The following CRIPT variants were observed in gnomAD, a reference collection of about 807,000 sequenced individuals.
CRIPT encodes cysteine-rich PDZ-binding protein.
In CRIPT, 20 loss-of-function variants were observed where a neutral mutation model predicts 16.6. The ratio of observed to expected loss-of-function variants is 1.20; its 90% confidence interval spans 0.85 to 1.75. The LOEUF is 1.75. CRIPT is among the 40% of genes most tolerant of loss of function. CRIPT has a pLI of 0.00. For missense variants in CRIPT, 133 were observed against 115.3 expected (o/e 1.15, Z -0.70); for synonymous variants, 42 against 37.0 (o/e 1.14, Z -0.49).
chr2:46,622,193 C>T (rs1026173195), intron 3 of CRIPT, among the ~76,000 whole-genome samples: 9 of 151,488 alleles, frequency 5.9e-5, no homozygotes, highest in Non-Finnish European at 1.0e-4. Flanking sequence ...CATGGTGAAA[C>T]CCTGTCTCTA....
intron 3 of CRIPT, among the ~76,000 whole-genome samples, chr2:46,621,082 A>G (rs905918463): frequency 1.3e-5 from 2 of 152,224 alleles, no homozygotes; most frequent in African/African-American, 4.8e-5. Context: ...AACTGTAATA[A>G]CTATTGAACT....
chr2:46,627,518 A>C lies in CRIPT; in HGVS notation c.*3291A>C, dbSNP rs150273549. Among the ~76,000 whole-genome samples the C allele has an allele frequency of 5.0e-3, 756 of 151,218 alleles. 3 individuals carry two copies. The highest frequency in any genetic ancestry group is 7.3e-3 in the Admixed American group (111 of 15,164). ...GAGTACAGTGGTACAATCTTGGCTC[A>C]CCACAACCTCCACCTCCCAGGCTCA... On this transcript the variant is annotated 3_prime_UTR_variant, in exon 5 of 5. Transcript: ENST00000238892.
intron 3 of CRIPT, among the ~76,000 whole-genome samples, chr2:46,622,616 C>G (rs1374194877): frequency 6.6e-6 from 1 of 151,842 alleles, no homozygotes; most frequent in Non-Finnish European, 1.5e-5. Flanking sequence ...GAGTTCGAGA[C>G]CAGCCTGACC....
chr2:46,621,086 T>C (rs1002044007), intron 3 of CRIPT, among the ~76,000 whole-genome samples: 2 of 152,240 alleles, frequency 1.3e-5, no homozygotes, highest in Non-Finnish European at 2.9e-5. Flanking sequence ...GTAATAACTA[T>C]TGAACTATCT....
intron 3 of CRIPT, among the ~76,000 whole-genome samples, chr2:46,620,519 C>T (rs575926826): frequency 6.6e-6 from 1 of 151,890 alleles, no homozygotes; most frequent in Admixed American, 6.6e-5. Context: ...CAGAAGTTTT[C>T]CAAAGTCTTA....
rs766689475 is a variant in CRIPT at position 46,623,876 on chromosome 2, C to A, written c.241+9C>A. On this transcript the variant is annotated intron_variant, in intron 4 of 4. Coordinates refer to ENST00000238892, the MANE Select transcript of CRIPT (RefSeq NM_014171.6). ...CTGTGCCTACAAAAAAGGTAAGTTT[C>A]TTTTAATACCGTTTTCTATTCATAA... 2 of 1,561,410 alleles carry A rather than the reference C, an allele frequency of 1.3e-6. No homozygotes were observed. The highest frequency in any genetic ancestry group is 1.8e-6 in the Non-Finnish European group (2 of 1,140,436).
chr2:46,618,893 C>A (rs1046370125), intron 2 of CRIPT, 55 bp downstream of exon 2: 27 of 1,066,952 alleles, frequency 2.5e-5, no homozygotes, highest in Admixed American at 4.2e-5. Context: ...GTGAATAATA[C>A]CTTAGTTTTT....
chr2:46,625,023 G>A lies in CRIPT; in HGVS notation c.*796G>A, dbSNP rs985014242. ...TTACCTCCTGTCTTGCCCCCTAAAAGAAATAAATAGAGCAAACATCTTGAC... is the reference window on the plus strand; with the variant it reads ...TTACCTCCTGTCTTGCCCCCTAAAAAAAATAAATAGAGCAAACATCTTGAC... On this transcript the variant is annotated 3_prime_UTR_variant, in exon 5 of 5. Coordinates refer to ENST00000238892, the MANE Select transcript of CRIPT (RefSeq NM_014171.6). 5 of 120,760 alleles carry A rather than the reference G, an allele frequency of 4.1e-5. No individual in the cohort carries two copies. The highest frequency in any genetic ancestry group is 1.7e-4 in the Admixed American group (2 of 11,876). The allele number at this position is 120,760 out of a possible 1,614,324, so 7.5% of individuals were successfully genotyped here.
At chr2:46,621,129 T>C (rs1295355409) in intron 3 of CRIPT, among the ~76,000 whole-genome samples, 1 of 152,266 alleles carries the variant, frequency 6.6e-6, no homozygotes, top group Non-Finnish European at 1.5e-5. Flanking sequence ...AGTTGTCTCA[T>C]AGTAACGAGA....
Position 46,622,098 on chromosome 2 carries a change from G to A in CRIPT, c.138-1666G>A, listed in dbSNP as rs569294657. The stretch of plus-strand genomic sequence containing the variant: ...AGATTTCCAAGGTTAGGCCGGGTGC[G>A]GTGGCTCACGCCTGTAATCCCAGCA... On this transcript the variant is annotated intron_variant, in intron 3 of 4. Transcript: ENST00000238892. 4.0e-3 allele frequency among the ~76,000 whole-genome samples: 607 copies of A among 152,190 alleles called. 4 individuals are homozygous for A. The highest frequency in any genetic ancestry group is 0.014 in the African/African-American group (573 of 41,524).
chr2:46,618,299 A>G (rs987248629), intron 1 of CRIPT, among the ~76,000 whole-genome samples: 3 of 151,806 alleles, frequency 2.0e-5, no homozygotes, highest in Non-Finnish European at 4.4e-5. Flanking sequence ...GCCAGGAAAA[A>G]AAAATGAATA....
rs201316537 is a variant in CRIPT at position 46,625,067 on chromosome 2, G to GTTTTTTTTTT, written c.*843_*844insTTTTTTTTTT. On this transcript the variant is annotated 3_prime_UTR_variant, in exon 5 of 5. Transcript: ENST00000238892. Reference sequence around the variant, plus strand: ...TCTTGACTCTCCCTTTTTAAAATTTGTTTGTTTTTTTTTTTTTTTTTTGGA... The same window carrying GTTTTTTTTTT: ...TCTTGACTCTCCCTTTTTAAAATTTGTTTTTTTTTTTTTGTTTTTTTTTTTTTTTTTTGGA... 1.1e-5 allele frequency: 1 copy of GTTTTTTTTTT among 91,650 alleles called. No individual in the cohort carries two copies. Among genetic ancestry groups the GTTTTTTTTTT allele is most frequent in the Non-Finnish European group, 2.1e-5 (1 of 47,672 alleles). 5.7% of individuals were successfully genotyped at this position (91,650 alleles called of 1,614,324 possible).
rs778723366 is a variant in CRIPT at position 46,628,112 on chromosome 2, C to CTTT, written c.*3898_*3900dup. Reference sequence around the variant, plus strand: ...ATATGAATTTTAGAATGGATTTTTTCTTTTTTTTTTTTTTTGAGACGGAGT... The same window carrying CTTT: ...ATATGAATTTTAGAATGGATTTTTTCTTTTTTTTTTTTTTTTTTGAGACGGAGT... On this transcript the variant is annotated 3_prime_UTR_variant, in exon 5 of 5. Coordinates refer to ENST00000238892, the MANE Select transcript of CRIPT (RefSeq NM_014171.6). Among the ~76,000 whole-genome samples, 2 of 137,366 alleles carry CTTT rather than the reference C, an allele frequency of 1.5e-5. No individual in the cohort carries two copies. The highest frequency in any genetic ancestry group is 1.6e-5 in the Non-Finnish European group (1 of 63,570). The allele number at this position is 137,366 out of a possible 152,430, so 90.1% of individuals were successfully genotyped here.
intron 3 of CRIPT, among the ~76,000 whole-genome samples, chr2:46,622,312 G>T (rs899410671): frequency 6.6e-6 from 1 of 151,326 alleles, no homozygotes; most frequent in Non-Finnish European, 1.5e-5. Flanking sequence ...AGAGCTTGCA[G>T]TGAGCCGAGA....
rs551325519 is a variant in CRIPT, at chr2:46,628,768, A to G, written c.*4541A>G. 9.8e-4 allele frequency among the ~76,000 whole-genome samples: 150 copies of G among 152,356 alleles called. No homozygotes were observed. Among genetic ancestry groups the G allele is most frequent in the African/African-American group, 3.5e-3 (145 of 41,588 alleles). On this transcript the variant is annotated 3_prime_UTR_variant, in exon 5 of 5. Coordinates refer to ENST00000238892, the MANE Select transcript of CRIPT (RefSeq NM_014171.6). ...TAAATTGAATAGAAGTATTTACTAG[A>G]TGAGGAGGAAAACCCTAAAACAAAA...
rs974537445 is a variant in CRIPT, at chr2:46,617,257, G to A, written c.-26G>A. The A allele has an allele frequency of 2.6e-6, 4 of 1,553,922 alleles. No homozygotes were observed. In the African/African-American group the frequency reaches 5.4e-5, roughly 21 times the overall value. On this transcript the variant is annotated 5_prime_UTR_variant, in exon 1 of 5. Transcript: ENST00000238892. The stretch of plus-strand genomic sequence containing the variant: ...AGCCTGCTGCTGCTGCTGCTGTTGC[G>A]GCTAGGGGAACCGTCGTGGGGAAGG...
At position 46,627,596 on chromosome 2, in the gene CRIPT, CA is replaced by C. The variant is rs1670970821; in HGVS notation, c.*3370del. Among the ~76,000 whole-genome samples the C allele has an allele frequency of 6.6e-6, 1 of 151,968 alleles. No homozygotes were observed. ...CCTAACTGGGATTACAGGCACATGC[CA>C]CCACGCCTGGCTAATTTTTCTATTT... On this transcript the variant is annotated 3_prime_UTR_variant, in exon 5 of 5. Transcript: ENST00000238892.
chr2:46,617,362 G>C, intron 1 of CRIPT, 64 bp downstream of exon 1: 1 of 1,521,138 alleles, frequency 6.6e-7, no homozygotes, highest in South Asian at 1.2e-5. Context: ...GCTCTCCCGG[G>C]AACTTTGCTT....
chr2:46,617,279 A>C lies in CRIPT; in HGVS notation c.-4A>C. On this transcript the variant is annotated 5_prime_UTR_variant, in exon 1 of 5. Transcript: ENST00000238892. Reference sequence around the variant, plus strand: ...TGCGGCTAGGGGAACCGTCGTGGGGAAGGATGGTGTGCGAAAAATGTGAGT... The same window carrying C: ...TGCGGCTAGGGGAACCGTCGTGGGGCAGGATGGTGTGCGAAAAATGTGAGT... 6.4e-7 allele frequency: 1 copy of C among 1,554,528 alleles called. No individual in the cohort carries two copies. Among genetic ancestry groups the C allele is most frequent in the Non-Finnish European group, 8.7e-7 (1 of 1,148,180 alleles).
Sources: allele counts gnomAD v4.1 joint callset (sites outside exome capture counted in the v4.1 genomes callset), GRCh38; gene constraint gnomAD v4.1.1; transcripts MANE v1.5; gene names NCBI Gene and HGNC (gene_info 2026-07-23, HGNC 2026-07-21).